Variants in PDE1C observed in about 807,000 individuals in gnomAD.
PDE1C encodes the protein phosphodiesterase 1C, also known as dual specificity calcium/calmodulin-dependent 3',5'-cyclic nucleotide phosphodiesterase 1C.
PDE1C carries 62 observed loss-of-function variants against 93.1 expected under a neutral mutation model. The ratio of observed to expected loss-of-function variants is 0.67; its 90% confidence interval spans 0.54 to 0.82. The LOEUF is 0.82. Among genes scored for constraint, PDE1C ranks in the 40% least tolerant of loss-of-function variants. PDE1C has a pLI of 0.00. For synonymous variants in PDE1C, 325 were observed against 310.1 expected (o/e 1.05, Z -0.50); for missense variants, 742 against 884.6 (o/e 0.84, Z 2.04).
chr7:31,790,378 T>A, intron 16 of PDE1C: 1 of 780,196 alleles, frequency 1.3e-6, no homozygotes, highest in Non-Finnish European at 2.1e-6. Flanking sequence ...GATAACCAAT[T>A]AAACATTTCC....
In PDE1C at chr7:32,070,279, A is replaced by T. The variant is rs201277785; in HGVS notation, c.101+14T>A. ...GCGGGAAATGGGGCAGGAGAAGTAA[A>T]TAGGTATACTTACAGCCCGCGGAGC... On this transcript the variant is annotated intron_variant, in intron 1 of 17. Transcript: ENST00000396191. 72 of 1,613,914 alleles carry T rather than the reference A, an allele frequency of 4.5e-5. No homozygotes were observed. The highest frequency in any genetic ancestry group is 5.8e-5 in the Non-Finnish European group (69 of 1,179,976).
At chr7:31,840,108 C>A (rs1791665826) in intron 9 of PDE1C, among the ~76,000 whole-genome samples, 1 of 152,264 alleles carries the variant, frequency 6.6e-6, no homozygotes, top group South Asian at 2.1e-4. Context: ...TGACCACTAG[C>A]ATATAACATT....
the PDE1C span, chr7:31,652,406 G>T: frequency 6.9e-7 from 1 of 1,443,620 alleles, no homozygotes; most frequent in South Asian, 1.5e-5. Context: ...GGCTCAAAGA[G>T]CCCATTCTAG....
At position 32,390,367 on chromosome 7, in the gene PDE1C, T is replaced by C. The variant is rs140003070; in HGVS notation, c.310+37455A>G. Reference sequence around the variant, plus strand: ...TTCCAAGAGGACATTTTACAATGTCTGGAGACATTTACGGTTGTCACAACC... The same window carrying C: ...TTCCAAGAGGACATTTTACAATGTCCGGAGACATTTACGGTTGTCACAACC... On this transcript the variant is annotated intron_variant, in intron 1 of 1. Transcript: ENST00000672256. Among the ~76,000 whole-genome samples the C allele has an allele frequency of 4.7e-3, 709 of 152,200 alleles. 8 individuals are homozygous for C. Among genetic ancestry groups the C allele is most frequent in the African/African-American group, 0.016 (653 of 41,540 alleles).
chr7:32,319,877 C>T (rs13235908), intron 1 of PDE1C, among the ~76,000 whole-genome samples: 14,949 of 152,202 alleles, frequency 0.098, 805 homozygotes, highest in East Asian at 0.13. Context: ...AGTATTTTCC[C>T]TCTGTTTTGT....
chr7:31,951,378 C>T lies in PDE1C; in HGVS notation c.129-70518G>A, dbSNP rs182851440. Among the ~76,000 whole-genome samples the T allele has an allele frequency of 4.6e-3, 693 of 152,300 alleles. 2 individuals carry two copies. Among genetic ancestry groups the T allele is most frequent in the Non-Finnish European group, 6.5e-3 (445 of 68,018 alleles). On this transcript the variant is annotated intron_variant, in intron 2 of 17. Transcript: ENST00000396191. ...AGAAGAGTAGGTTCCAAACCTATCA[C>T]GGCATGCCTGGTAGTTCAGCCACTG... is the stretch of plus-strand genomic sequence containing the variant.
intron 3 of PDE1C, among the ~76,000 whole-genome samples, chr7:32,167,703 A>G (rs1246423843): frequency 1.3e-5 from 2 of 152,150 alleles, no homozygotes; most frequent in East Asian, 1.9e-4. Flanking sequence ...TGTCATTTGT[A>G]TCTTGTTTGG....
At chr7:31,856,158 G>C (rs1793992034) in intron 7 of PDE1C, among the ~76,000 whole-genome samples, 1 of 152,168 alleles carries the variant, frequency 6.6e-6, no homozygotes, top group African/African-American at 2.4e-5. Flanking sequence ...TTCTCTACGT[G>C]TCTTACAATT....
intron 17 of PDE1C, among the ~76,000 whole-genome samples, chr7:31,758,113 C>G (rs367818926): frequency 1.3e-5 from 2 of 151,966 alleles, no homozygotes; most frequent in Admixed American, 6.6e-5. Context: ...CACTTGGGCA[C>G]GAGAAGGGGA....
Position 31,931,251 on chromosome 7 carries a change from GAGAA to G in PDE1C, c.129-50395_129-50392del. ...AGGTCTGGTCAGGGCAATCAAGCAAGAGAAAGAAAGAAAGTGTATTCAAATAGGA... is the reference window on the plus strand; with the variant it reads ...AGGTCTGGTCAGGGCAATCAAGCAAGAGAAAGAAAGTGTATTCAAATAGGA... On this transcript the variant is annotated intron_variant, in intron 2 of 17. Transcript: ENST00000396191. 2.6e-5 allele frequency among the ~76,000 whole-genome samples: 4 copies of G among 152,280 alleles called. 1 individual carries two copies. The highest frequency in any genetic ancestry group is 2.6e-4 in the Admixed American group (4 of 15,306).
chr7:31,914,698 G>A (rs1801660496), intron 2 of PDE1C, among the ~76,000 whole-genome samples: 1 of 152,136 alleles, frequency 6.6e-6, no homozygotes, highest in Non-Finnish European at 1.5e-5. Flanking sequence ...TTGGGTAAAA[G>A]ATACCCATGC....
At chr7:32,369,231 CA>C (rs1784282483) in intron 1 of PDE1C, among the ~76,000 whole-genome samples, 1 of 152,140 alleles carries the variant, frequency 6.6e-6, no homozygotes, top group Non-Finnish European at 1.5e-5. Context: ...AAAATATTTG[CA>C]AACTACCCAT....
chr7:31,824,141 T>A (rs1363250845), intron 13 of PDE1C, among the ~76,000 whole-genome samples: 1 of 152,136 alleles, frequency 6.6e-6, no homozygotes, highest in Non-Finnish European at 1.5e-5. Context: ...CTCTTCTTCC[T>A]CCTTTATGAC....
chr7:32,271,456 T>C (rs750450123), intron 1 of PDE1C, among the ~76,000 whole-genome samples: 4 of 152,196 alleles, frequency 2.6e-5, no homozygotes, highest in Non-Finnish European at 4.4e-5. Context: ...AGAAAAAGTT[T>C]AAAAATAAGA....
At chr7:31,878,720 T>A (rs1796895422) in intron 4 of PDE1C, among the ~76,000 whole-genome samples, 2 of 152,218 alleles carry the variant, frequency 1.3e-5, no homozygotes, top group South Asian at 4.1e-4. Context: ...ATAGATGAGA[T>A]GATTTCCTGC....
chr7:32,312,992 C>G (rs546606353), intron 1 of PDE1C, among the ~76,000 whole-genome samples: 10 of 151,840 alleles, frequency 6.6e-5, no homozygotes, highest in Non-Finnish European at 8.8e-5. Flanking sequence ...GAAAATTTTC[C>G]CAACCTACTC....
At chr7:32,156,193 T>A (rs1195601077) in intron 3 of PDE1C, among the ~76,000 whole-genome samples, 1 of 152,182 alleles carries the variant, frequency 6.6e-6, no homozygotes, top group Non-Finnish European at 1.5e-5. Context: ...CATAGGTAAA[T>A]GTGTGCCATG....
intron 1 of PDE1C, among the ~76,000 whole-genome samples, chr7:32,385,118 C>T (rs566469585): frequency 2.0e-5 from 3 of 152,278 alleles, no homozygotes; most frequent in Non-Finnish European, 4.4e-5. Flanking sequence ...TTCCTGGCTT[C>T]GGCATCTGAG....
In PDE1C at chr7:32,030,882, A is replaced by G. The variant is rs145779383; in HGVS notation, c.128+20672T>C. On this transcript the variant is annotated intron_variant, in intron 2 of 17. Coordinates refer to ENST00000396191, the MANE Select transcript of PDE1C (RefSeq NM_001191057.4). ...TGCCTTGATATATACAACCACCAAG[A>G]AAAATATTTAAAGGTGACCAAGTGG... Among the ~76,000 whole-genome samples, 96 of 152,214 alleles carry G rather than the reference A, an allele frequency of 6.3e-4. No individual in the cohort carries two copies. The East Asian group carries it at 0.018, about 28-fold the overall frequency.
Sources: gnomAD v4.1 joint callset for allele counts (sites outside exome capture counted in the v4.1 genomes callset) on GRCh38, gnomAD v4.1.1 for gene constraint, MANE v1.5 for transcripts, NCBI Gene and HGNC (gene_info 2026-07-23, HGNC 2026-07-21) for gene names.